Variants in NRXN1 observed in about 807,000 individuals in gnomAD.
The protein encoded by NRXN1 is neurexin-1.
NRXN1 carries 39 observed loss-of-function variants against 150.9 expected under a neutral mutation model. The observed-to-expected ratio is 0.26, with a 90% CI of 0.20 to 0.34. The LOEUF (loss-of-function observed/expected upper bound fraction) is 0.34. NRXN1 is among the 10% of genes least tolerant of loss of function. The pLI, the probability that NRXN1 is intolerant of heterozygous loss-of-function variation, is 1.00. For synonymous variants in NRXN1, 924 were observed against 757.0 expected, an observed-to-expected ratio of 1.22 and a Z score of -3.62; for missense variants, 1,815 against 1,949.9, an observed-to-expected ratio of 0.93 and a Z score of 1.30.
chr2:50,276,331 G>A (rs2152927450), intron 17 of NRXN1, among the ~76,000 whole-genome samples: 1 of 152,282 alleles, frequency 6.6e-6, no homozygotes, highest in South Asian at 2.1e-4. Flanking sequence ...AAAGCGGAAA[G>A]TATGAGATGA....
At chr2:50,783,497 A>G (rs561505899) in intron 5 of NRXN1, among the ~76,000 whole-genome samples, 2 of 152,218 alleles carry the variant, frequency 1.3e-5, no homozygotes, top group Admixed American at 1.3e-4. Flanking sequence ...AAAATCATAG[A>G]TCAGGGTATT....
intron 17 of NRXN1, among the ~76,000 whole-genome samples, chr2:50,280,474 C>A (rs1289999177): frequency 6.6e-6 from 1 of 152,040 alleles, no homozygotes; most frequent in East Asian, 1.9e-4. Context: ...TCCTGATGAA[C>A]CTCAGTCTTT....
At chr2:50,904,873 C>G (rs973546704) in intron 5 of NRXN1, among the ~76,000 whole-genome samples, 2 of 152,080 alleles carry the variant, frequency 1.3e-5, no homozygotes, top group Non-Finnish European at 2.9e-5. Context: ...CTCCCACAGG[C>G]ACTTTCAGAA....
At chr2:50,686,016 A>G (rs1404392204) in intron 5 of NRXN1, among the ~76,000 whole-genome samples, 1 of 152,102 alleles carries the variant, frequency 6.6e-6, no homozygotes, top group Non-Finnish European at 1.5e-5. Context: ...GCTTGGAGCT[A>G]CTTACTTCCT....
At position 50,346,664 on chromosome 2, in the gene NRXN1, C is replaced by A. The variant is rs367914226; in HGVS notation, c.3365-109694G>T. ...GAAAGAGGGGAGCGAGGGGATAACC[C>A]GCGAGAACTTGGCATCGCAGACCCA... On this transcript the variant is annotated intron_variant, in intron 17 of 22. Coordinates refer to ENST00000401669, the MANE Select transcript of NRXN1 (RefSeq NM_001330078.2). This position sits in a 1 kb window ranked among gnomAD's most constrained non-coding sequence, Gnocchi z 5.0. The A allele has an allele frequency of 1.2e-6, 2 of 1,611,072 alleles. No individual in the cohort carries two copies. Among genetic ancestry groups the A allele is most frequent in the African/African-American group, 1.3e-5 (1 of 74,920 alleles).
At chr2:51,001,692 C>G (rs1700099786) in intron 2 of NRXN1, among the ~76,000 whole-genome samples, 1 of 151,886 alleles carries the variant, frequency 6.6e-6, no homozygotes, top group South Asian at 2.1e-4. Flanking sequence ...TAAAAAATAT[C>G]AGCAACTGTC....
chr2:49,929,615 C>A (rs1482100901), intron 22 of NRXN1, among the ~76,000 whole-genome samples: 2 of 152,136 alleles, frequency 1.3e-5, no homozygotes, highest in Non-Finnish European at 2.9e-5. Flanking sequence ...TCCTCACATA[C>A]CAAAAAGAGT....
At chr2:50,849,363 C>G (rs934289975) in intron 5 of NRXN1, among the ~76,000 whole-genome samples, 2 of 152,162 alleles carry the variant, frequency 1.3e-5, no homozygotes, top group African/African-American at 2.4e-5. Context: ...GTCAGTTTTA[C>G]AACCCAGGAA....
At chr2:50,591,384 A>ATAGAT (rs1382497908) in intron 8 of NRXN1, among the ~76,000 whole-genome samples, 2 of 53,294 alleles carry the variant, frequency 3.8e-5, no homozygotes, top group Admixed American at 1.6e-4. Flanking sequence ...TATATATCAG[A>ATAGAT]TAGATAGATA....
intron 17 of NRXN1, among the ~76,000 whole-genome samples, chr2:50,361,146 C>G (rs1440520371): frequency 5.3e-5 from 8 of 151,982 alleles, no homozygotes; most frequent in Admixed American, 1.3e-4. Flanking sequence ...CACATAATGC[C>G]CACAGGAGAA....
intron 5 of NRXN1, among the ~76,000 whole-genome samples, chr2:50,733,700 A>G (rs1400546481): frequency 6.6e-6 from 1 of 152,146 alleles, no homozygotes; most frequent in African/African-American, 2.4e-5. Context: ...GATTTTAGAG[A>G]AGATTAATAT....
intron 8 of NRXN1, among the ~76,000 whole-genome samples, chr2:50,600,525 A>T (rs931813002): frequency 6.6e-6 from 1 of 152,038 alleles, no homozygotes; most frequent in East Asian, 1.9e-4. Context: ...GGGTTTCACC[A>T]TGTTGACCAG....
intron 17 of NRXN1, among the ~76,000 whole-genome samples, chr2:50,343,632 T>C (rs1331911864): frequency 6.6e-6 from 1 of 152,182 alleles, no homozygotes; most frequent in East Asian, 1.9e-4. Flanking sequence ...ACAAAGATAC[T>C]CGGGTAGCCA....
chr2:50,963,007 T>C (rs189876029), intron 2 of NRXN1, among the ~76,000 whole-genome samples: 15 of 151,870 alleles, frequency 9.9e-5, no homozygotes, highest in Admixed American at 7.9e-4. Context: ...GTTATAGGAA[T>C]AGTTACTTTA....
At chr2:50,508,624 T>G (rs1354669411) in intron 12 of NRXN1, among the ~76,000 whole-genome samples, 4 of 152,142 alleles carry the variant, frequency 2.6e-5, no homozygotes, top group Admixed American at 6.6e-5. Context: ...ATTCTTTTCT[T>G]TTTTAAATAT....
intron 17 of NRXN1, among the ~76,000 whole-genome samples, chr2:50,263,838 A>G (rs1011017459): frequency 1.3e-5 from 2 of 152,116 alleles, no homozygotes; most frequent in Non-Finnish European, 1.5e-5. Context: ...ATAACTTTGT[A>G]TCACTCTATT....
rs145585603 is a variant in NRXN1, at chr2:50,324,040, G to T, written c.3365-87070C>A. On this transcript the variant is annotated intron_variant, in intron 17 of 22. Coordinates refer to ENST00000401669, the MANE Select transcript of NRXN1 (RefSeq NM_001330078.2). ...AAACATATAAAGCTGGCCCGAGGACGGGAAGGCTTTGAATGTAAGACTAAG... is the reference window on the plus strand; with the variant it reads ...AAACATATAAAGCTGGCCCGAGGACTGGAAGGCTTTGAATGTAAGACTAAG... Among the ~76,000 whole-genome samples the T allele has an allele frequency of 1.4e-4, 21 of 152,302 alleles. No individual in the cohort carries two copies. The South Asian group carries it at 4.3e-3, about 32-fold the overall frequency.
chr2:50,603,429 C>A (rs1676597486), intron 8 of NRXN1, among the ~76,000 whole-genome samples: 3 of 152,022 alleles, frequency 2.0e-5, no homozygotes, highest in Admixed American at 2.0e-4. Context: ...GATGCTTTGC[C>A]CAACTTTACT....
chr2:50,351,756 C>T (rs1015766224), intron 17 of NRXN1, among the ~76,000 whole-genome samples: 4 of 151,970 alleles, frequency 2.6e-5, no homozygotes, highest in Non-Finnish European at 5.9e-5. Context: ...ATTGTTGATC[C>T]CTAACAGTTC....
Sources: allele counts gnomAD v4.1 joint callset (sites outside exome capture counted in the v4.1 genomes callset), GRCh38; gene constraint gnomAD v4.1.1; non-coding constraint Gnocchi (gnomAD v3.1); transcripts MANE v1.5; gene names NCBI Gene and HGNC (gene_info 2026-07-23, HGNC 2026-07-21).